Variants in SOX6 observed in about 807,000 individuals in gnomAD.
SOX6 encodes the protein SRY-box transcription factor 6.
A neutral mutation model predicts 97.8 loss-of-function variants in SOX6; 11 were observed. The observed-to-expected ratio is 0.11, with a 90% CI of 0.07 to 0.19. The LOEUF (loss-of-function observed/expected upper bound fraction) is 0.19. Ranked by LOEUF, SOX6 falls within the 10% of genes least tolerant of loss-of-function variation. The pLI, the probability that SOX6 is intolerant of heterozygous loss-of-function variation, is 1.00. For missense variants in SOX6, 810 were observed against 1,039.5 expected, an observed-to-expected ratio of 0.78 and a Z score of 3.04; for synonymous variants, 360 against 371.4, an observed-to-expected ratio of 0.97 and a Z score of 0.35.
chr11:16,217,953 C>T (rs2134152643), intron 4 of SOX6, among the ~76,000 whole-genome samples: 1 of 152,104 alleles, frequency 6.6e-6, no homozygotes, highest in East Asian at 1.9e-4. Flanking sequence ...GAAGTCGCCT[C>T]CTAGATAAGT....
chr11:16,211,216 G>A (rs1852217878), intron 4 of SOX6, among the ~76,000 whole-genome samples: 1 of 152,050 alleles, frequency 6.6e-6, no homozygotes, highest in Non-Finnish European at 1.5e-5. Context: ...TAAGCACTCT[G>A]GCCTTTACTT....
At chr11:16,734,385 T>A (rs1316891247) in intron 2 of SOX6, among the ~76,000 whole-genome samples, 1 of 152,258 alleles carries the variant, frequency 6.6e-6, no homozygotes, top group Non-Finnish European at 1.5e-5. Flanking sequence ...CACAGTGGAA[T>A]AATGCATTTT....
chr11:16,359,692 G>A (rs1365121166), upstream of SOX6, among the ~76,000 whole-genome samples: 1 of 152,140 alleles, frequency 6.6e-6, no homozygotes, highest in African/African-American at 2.4e-5. Context: ...GTTGTTGAAA[G>A]AAGGTAGATG....
At chr11:16,488,969 C>T (rs1860474303) in intron 4 of SOX6, among the ~76,000 whole-genome samples, 1 of 152,042 alleles carries the variant, frequency 6.6e-6, no homozygotes, top group South Asian at 2.1e-4. Flanking sequence ...GCTGACAGAG[C>T]TTTCATTTTA....
intron 9 of SOX6, among the ~76,000 whole-genome samples, chr11:16,091,427 G>T (rs1411274965): frequency 6.6e-6 from 1 of 151,850 alleles, no homozygotes; most frequent in Non-Finnish European, 1.5e-5. Context: ...CACCACTGAG[G>T]CATCTTTACA....
chr11:16,516,164 T>C (rs1387364529), intron 4 of SOX6, among the ~76,000 whole-genome samples: 4 of 150,446 alleles, frequency 2.7e-5, no homozygotes, highest in Non-Finnish European at 5.9e-5. Context: ...ATGATATTGA[T>C]TCTTCCTACC....
At chr11:16,242,461 T>C (rs1565042271) in intron 3 of SOX6, among the ~76,000 whole-genome samples, 1 of 151,950 alleles carries the variant, frequency 6.6e-6, no homozygotes, top group South Asian at 2.1e-4. Context: ...TGAAGCGACA[T>C]GTGACTGTGC....
chr11:16,407,431 T>G (rs1049591129), intron 1 of SOX6, among the ~76,000 whole-genome samples: 13 of 152,148 alleles, frequency 8.5e-5, no homozygotes, highest in African/African-American at 2.9e-4. Flanking sequence ...GCAAATATTC[T>G]GTTTCTACAA....
At chr11:15,973,609 C>T (rs1853380138) in intron 15 of SOX6, among the ~76,000 whole-genome samples, 1 of 152,196 alleles carries the variant, frequency 6.6e-6, no homozygotes, top group South Asian at 2.1e-4. Flanking sequence ...GAGTGAGATT[C>T]AGCAAAGCAT....
chr11:16,270,882 G>A (rs1191818582), intron 3 of SOX6, among the ~76,000 whole-genome samples: 2 of 151,366 alleles, frequency 1.3e-5, no homozygotes, highest in Non-Finnish European at 3.0e-5. Flanking sequence ...GGAATGGGAA[G>A]TTATTGTTTG....
rs1457571004 is a variant in SOX6 at position 16,507,366 on chromosome 11, C to T, written n.610-30978G>A. On this transcript the variant is annotated intron_variant and non_coding_transcript_variant, in intron 4 of 5. Coordinates refer to the SOX6 transcript ENST00000524520. ...AAGCAACCTGTAGAGTCAATGCAAT[C>T]CCTATCAAAATACCAATGTCATTTT... is the stretch of plus-strand genomic sequence containing the variant. Among the ~76,000 whole-genome samples the T allele has an allele frequency of 2.0e-5, 3 of 152,194 alleles. No homozygotes were observed. The East Asian group carries it at 5.8e-4, about 29-fold the overall frequency.
intron 3 of SOX6, among the ~76,000 whole-genome samples, chr11:16,702,924 A>G (rs1458000487): frequency 6.7e-6 from 1 of 149,192 alleles, no homozygotes; most frequent in Non-Finnish European, 1.5e-5. Flanking sequence ...TTATTCATAT[A>G]TATATATAAA....
chr11:16,530,099 A>T (rs575001240), intron 4 of SOX6, among the ~76,000 whole-genome samples: 3 of 152,012 alleles, frequency 2.0e-5, no homozygotes, highest in Non-Finnish European at 4.4e-5. Context: ...TTGCAGTCAG[A>T]TAGATCTAGC....
chr11:16,207,330 C>T (rs533174211), intron 4 of SOX6, among the ~76,000 whole-genome samples: 164 of 152,200 alleles, frequency 1.1e-3, no homozygotes, highest in African/African-American at 3.7e-3. Context: ...CGGCTGGGCG[C>T]GGTGGCTCAC....
chr11:15,994,007 AATTT>A (rs1459591392), intron 13 of SOX6, among the ~76,000 whole-genome samples: 1 of 152,156 alleles, frequency 6.6e-6, no homozygotes, highest in African/African-American at 2.4e-5. Context: ...GCCTAGTAAT[AATTT>A]ATTTATGTAT....
intron 15 of SOX6, among the ~76,000 whole-genome samples, chr11:15,976,034 G>A (rs1853472163): frequency 6.6e-6 from 1 of 152,120 alleles, no homozygotes; most frequent in African/African-American, 2.4e-5. Context: ...AGATATATAT[G>A]GCTGTTTTAA....
chr11:16,579,091 C>T (rs915040305), intron 4 of SOX6, among the ~76,000 whole-genome samples: 1 of 152,018 alleles, frequency 6.6e-6, no homozygotes. Context: ...CAGCTAGCTA[C>T]ATTAATTCAC....
At chr11:16,507,265 C>A (rs1304401211) in intron 4 of SOX6, among the ~76,000 whole-genome samples, 1 of 152,036 alleles carries the variant, frequency 6.6e-6, no homozygotes, top group Non-Finnish European at 1.5e-5. Context: ...AATCTCTTTT[C>A]TTTGTAGATT....
At chr11:16,712,360 C>T (rs1270124569) in intron 3 of SOX6, among the ~76,000 whole-genome samples, 1 of 152,168 alleles carries the variant, frequency 6.6e-6, no homozygotes, top group Non-Finnish European at 1.5e-5. Context: ...TTTTACATTC[C>T]CACCAGCAGT....
Sources: allele counts gnomAD v4.1 joint callset (sites outside exome capture counted in the v4.1 genomes callset), GRCh38; gene constraint gnomAD v4.1.1; transcripts MANE v1.5; gene names NCBI Gene and HGNC (gene_info 2026-07-23, HGNC 2026-07-21).